Variants in ADGRF5 observed in about 807,000 individuals in gnomAD.
ADGRF5 encodes G-protein coupled receptor 116.
Under a neutral mutation model 132.3 loss-of-function variants are expected in ADGRF5, and 75 were observed. The observed-to-expected ratio is 0.57, with a 90% CI of 0.47 to 0.69. ADGRF5 has a LOEUF of 0.69. Among genes scored for constraint, ADGRF5 ranks in the 30% least tolerant of loss-of-function variants. ADGRF5 has a pLI of 0.00. For synonymous variants in ADGRF5, 629 were observed against 597.6 expected, an observed-to-expected ratio of 1.05 and a Z score of -0.77; for missense variants, 1,516 against 1,630.6, an observed-to-expected ratio of 0.93 and a Z score of 1.21.
intron 9 of ADGRF5, among the ~76,000 whole-genome samples, chr6:46,879,081 T>A (rs113030675): frequency 6.6e-6 from 1 of 152,116 alleles, no homozygotes; most frequent in Non-Finnish European, 1.5e-5. Context: ...GTGTCAAGAC[T>A]TTTTAAATAT....
intron 1 of ADGRF5, among the ~76,000 whole-genome samples, chr6:46,927,431 G>A (rs1241012256): frequency 6.6e-6 from 1 of 152,056 alleles, no homozygotes; most frequent in African/African-American, 2.4e-5. Flanking sequence ...CAGATCTTGT[G>A]TCTCTGCATC....
chr6:46,953,661 A>C (rs373380764), intron 1 of ADGRF5, among the ~76,000 whole-genome samples: 1 of 120,204 alleles, frequency 8.3e-6, no homozygotes, highest in South Asian at 2.5e-4. Context: ...GTATATATAT[A>C]TATATATATA....
At chr6:46,892,616 G>T (rs1481936829) in intron 3 of ADGRF5, among the ~76,000 whole-genome samples, 1 of 152,074 alleles carries the variant, frequency 6.6e-6, no homozygotes, top group Non-Finnish European at 1.5e-5. Flanking sequence ...TGGGTGTGAT[G>T]GCAGGCACCT....
Position 46,853,883 on chromosome 6 carries a change from C to T in ADGRF5, c.*109G>A. 1 of 713,516 alleles carries T rather than the reference C, an allele frequency of 1.4e-6. No individual in the cohort carries two copies. The highest frequency in any genetic ancestry group is 1.7e-5 in the South Asian group (1 of 58,846). 44.2% of individuals were successfully genotyped at this position (713,516 alleles called of 1,614,324 possible). A position where few individuals can be genotyped will look rare whatever the true frequency, so the allele number is the denominator to read the frequency against. Reference sequence around the variant, plus strand: ...TATGAAAAAGTCTTTTTGGCATCTGCTCCCGGAAACCTGCCCCGAGAACAC... The same window carrying T: ...TATGAAAAAGTCTTTTTGGCATCTGTTCCCGGAAACCTGCCCCGAGAACAC... On this transcript the variant is annotated 3_prime_UTR_variant, in exon 21 of 21. Coordinates refer to ENST00000283296, the MANE Select transcript of ADGRF5 (RefSeq NM_001098518.2).
intron 14 of ADGRF5, among the ~76,000 whole-genome samples, chr6:46,864,240 T>C (rs556832354): frequency 6.6e-6 from 1 of 152,302 alleles, no homozygotes; most frequent in African/African-American, 2.4e-5. Flanking sequence ...AGCATAGCAA[T>C]GACTCTGTAA....
At chr6:46,897,004 A>C (rs1343891661) in intron 3 of ADGRF5, among the ~76,000 whole-genome samples, 1 of 152,106 alleles carries the variant, frequency 6.6e-6, no homozygotes, top group Admixed American at 6.6e-5. Flanking sequence ...CAGGGACTTC[A>C]GCATATGCAC....
intron 1 of ADGRF5, among the ~76,000 whole-genome samples, chr6:46,948,426 A>T (rs1778375673): frequency 6.6e-6 from 1 of 151,920 alleles, no homozygotes; most frequent in Non-Finnish European, 1.5e-5. Context: ...CTGGCCTAGA[A>T]TAATAGTAAA....
In ADGRF5 at chr6:46,894,953, C is replaced by T. The variant is rs182104046; in HGVS notation, c.157+5076G>A. Among the ~76,000 whole-genome samples, 763 of 152,254 alleles carry T rather than the reference C, an allele frequency of 5.0e-3. 3 individuals carry two copies. The highest frequency in any genetic ancestry group is 0.017 in the African/African-American group (720 of 41,536). On this transcript the variant is annotated intron_variant, in intron 3 of 20. Transcript: ENST00000283296. ...CAGCACTTTAGGAAGCCAAGGCGGG[C>T]AGATCATGAGGTCAGGAGATGGAGA...
At chr6:46,879,080 C>CA (rs1405337405) in intron 9 of ADGRF5, among the ~76,000 whole-genome samples, 1 of 152,044 alleles carries the variant, frequency 6.6e-6, no homozygotes. Context: ...TGTGTCAAGA[C>CA]TTTTTAAATA....
At chr6:46,926,645 T>C (rs1777263498), upstream of ADGRF5, among the ~76,000 whole-genome samples, 1 of 152,164 alleles carries the variant, frequency 6.6e-6, no homozygotes, top group Non-Finnish European at 1.5e-5. Flanking sequence ...TGACATGCTG[T>C]CTATGTAGCA....
At chr6:46,866,699 TA>T (rs1055639100) in intron 13 of ADGRF5, among the ~76,000 whole-genome samples, 4 of 150,586 alleles carry the variant, frequency 2.7e-5, no homozygotes, top group African/African-American at 7.3e-5. Flanking sequence ...TTCTCCCAAT[TA>T]AAAAAAAAGG....
intron 13 of ADGRF5, 117 bp downstream of exon 13, chr6:46,866,808 T>C (rs1770503315): frequency 4.6e-5 from 29 of 636,818 alleles, no homozygotes. Context: ...GATTCTACTC[T>C]GTTAATTCTA....
intron 10 of ADGRF5, among the ~76,000 whole-genome samples, chr6:46,877,291 CT>C (rs1562174695): frequency 1.2e-3 from 74 of 62,200 alleles, no homozygotes; most frequent in Middle Eastern, 7.9e-3. Context: ...TTCTTTCTTT[CT>C]CTCTCTCTCT....
At chr6:46,920,091 C>T (rs897261015) in intron 1 of ADGRF5, among the ~76,000 whole-genome samples, 1 of 152,198 alleles carries the variant, frequency 6.6e-6, no homozygotes, top group Admixed American at 6.5e-5. Flanking sequence ...CTCTGGGCCA[C>T]TTTATCTATC....
upstream of ADGRF5, among the ~76,000 whole-genome samples, chr6:46,922,467 G>A (rs1192371077): frequency 3.3e-5 from 5 of 152,198 alleles, no homozygotes; most frequent in African/African-American, 4.8e-5. Context: ...TATAAATTTA[G>A]TGGTACTTAA....
At chr6:46,868,501 C>CT (rs1770702129) in intron 12 of ADGRF5, among the ~76,000 whole-genome samples, 1 of 152,100 alleles carries the variant, frequency 6.6e-6, no homozygotes, top group Non-Finnish European at 1.5e-5. Flanking sequence ...AAATGTGTTC[C>CT]TTTTTTTGGA....
rs771537064 is a variant in ADGRF5, at chr6:46,884,136, T to C, written c.464A>G (p.Lys155Arg). 30 of 1,614,110 alleles carry C rather than the reference T, an allele frequency of 1.9e-5. No individual in the cohort carries two copies. The East Asian group carries it at 6.5e-4, about 35-fold the overall frequency. The change falls in exon 5 of 21, where the codon AAA becomes AGA. Residue 155 changes from lysine to arginine, a missense_variant. Transcript: ENST00000283296. The stretch of plus-strand genomic sequence containing the variant: ...AAAAGGTCCATTGGGAGGCAGTTCT[T>C]TAAGGCAACTGCAATGGTGCCCTGG... ...FLPGHHCSCL[K>R]ELPPNGPFCL...
At chr6:46,876,068 C>A (rs1039218150) in intron 10 of ADGRF5, among the ~76,000 whole-genome samples, 4 of 152,112 alleles carry the variant, frequency 2.6e-5, no homozygotes, top group Non-Finnish European at 5.9e-5. Context: ...TGGGTAAATT[C>A]TTTTGCTTGA....
intron 4 of ADGRF5, chr6:46,886,637 A>G (rs1166518217): frequency 6.6e-6 from 1 of 152,212 alleles, no homozygotes; most frequent in Non-Finnish European, 1.5e-5. Flanking sequence ...ATTTGCCATT[A>G]CTAAAAAAGG....
Sources: gnomAD v4.1 joint callset for allele counts (sites outside exome capture counted in the v4.1 genomes callset) on GRCh38, gnomAD v4.1.1 for gene constraint, MANE v1.5 for transcripts, NCBI Gene and HGNC (gene_info 2026-07-23, HGNC 2026-07-21) for gene names.